The following OSBPL9 variants were observed in gnomAD, a reference collection of about 807,000 sequenced individuals.
OSBPL9 encodes oxysterol binding protein like 9.
In OSBPL9, 40 loss-of-function variants were observed where a neutral mutation model predicts 106.6. The ratio of observed to expected loss-of-function variants is 0.38; its 90% CI spans 0.29 to 0.49. The LOEUF (loss-of-function observed/expected upper bound fraction) is 0.49. Among genes scored for constraint, OSBPL9 ranks in the 20% least tolerant of loss-of-function variants. The pLI, the probability that OSBPL9 is intolerant of heterozygous loss-of-function variation, is 0.97. For missense variants in OSBPL9, 609 were observed against 887.2 expected (o/e 0.69, Z 3.98); for synonymous variants, 269 against 295.4 (o/e 0.91, Z 0.92).
intron 2 of OSBPL9, among the ~76,000 whole-genome samples, chr1:51,607,975 C>CCT (rs1323914512): frequency 6.6e-6 from 1 of 152,194 alleles, no homozygotes; most frequent in Non-Finnish European, 1.5e-5. Flanking sequence ...TTGCATCTCT[C>CCT]CTCTCTTGAT....
chr1:51,650,019 G>T (rs1368644988), intron 1 of OSBPL9, among the ~76,000 whole-genome samples: 1 of 151,774 alleles, frequency 6.6e-6, no homozygotes, highest in Admixed American at 6.6e-5. Context: ...GGGACTATAG[G>T]TGTGTACCAC....
At chr1:51,521,789 ACT>A in the OSBPL9 span, among the ~76,000 whole-genome samples, 2 of 152,088 alleles carry the variant, frequency 1.3e-5, no homozygotes, top group Admixed American at 6.5e-5. Flanking sequence ...ACAAGGTCTC[ACT>A]CTGTCACCCA....
intron 9 of OSBPL9, chr1:51,756,689 C>A: frequency 4.2e-6 from 1 of 235,308 alleles, no homozygotes; most frequent in East Asian, 9.1e-5. Context: ...CTATTTTTCT[C>A]AGATGAAAGT....
chr1:51,748,345 G>A, intron 6 of OSBPL9, 24 bp from the exon 7 acceptor site: 1 of 1,515,822 alleles, frequency 6.6e-7, no homozygotes, highest in Non-Finnish European at 8.8e-7. Flanking sequence ...GATTATTTCT[G>A]TTTAAACTTA....
chr1:51,745,121 A>C (rs779986504), intron 4 of OSBPL9: 34 of 161,960 alleles, frequency 2.1e-4, no homozygotes, highest in Non-Finnish European at 4.3e-4. Context: ...TGAGAATATG[A>C]AGTTAACATT....
intron 1 of OSBPL9, among the ~76,000 whole-genome samples, chr1:51,635,952 T>A (rs1197758147): frequency 6.6e-6 from 1 of 152,100 alleles, no homozygotes; most frequent in Non-Finnish European, 1.5e-5. Context: ...TTATAATCTT[T>A]ATCATGCTTA....
intron 2 of OSBPL9, among the ~76,000 whole-genome samples, chr1:51,665,392 C>T (rs1408032638): frequency 1.3e-5 from 2 of 152,210 alleles, no homozygotes; most frequent in East Asian, 1.9e-4. Context: ...GATCTGCCAG[C>T]CTTGGCCTCC....
chr1:51,785,519 T>C (rs953766481), intron 20 of OSBPL9: 3 of 398,962 alleles, frequency 7.5e-6, no homozygotes, highest in African/African-American at 4.3e-5. Flanking sequence ...CACTACGCTG[T>C]GAACAGCTTG....
At chr1:51,651,930 C>T in intron 1 of OSBPL9, 61 bp from the exon 2 acceptor site, 2 of 1,367,398 alleles carry the variant, frequency 1.5e-6, no homozygotes, top group Non-Finnish European at 1.0e-6. Context: ...CCAGATGATT[C>T]TAAAAACAAT....
At chr1:51,564,611 G>A in the OSBPL9 span, among the ~76,000 whole-genome samples, 1 of 152,218 alleles carries the variant, frequency 6.6e-6, no homozygotes, top group Admixed American at 6.5e-5. Flanking sequence ...CATTTGTCCA[G>A]AATGACTGAA....
At chr1:51,787,252 C>T in intron 22 of OSBPL9, 101 bp from the exon 23 acceptor site, 2 of 1,169,526 alleles carry the variant, frequency 1.7e-6, no homozygotes, top group Admixed American at 2.0e-5. Flanking sequence ...AGTCTGTGAC[C>T]TACAGCACTT....
chr1:51,733,593 G>A (rs530782958), intron 4 of OSBPL9, among the ~76,000 whole-genome samples: 6 of 152,228 alleles, frequency 3.9e-5, no homozygotes, highest in East Asian at 3.9e-4. Context: ...TGGCCAACAT[G>A]GTAAAACCTC....
intron 1 of OSBPL9, among the ~76,000 whole-genome samples, chr1:51,585,828 C>T (rs920765953): frequency 2.0e-5 from 3 of 150,848 alleles, no homozygotes; most frequent in Non-Finnish European, 4.4e-5. Context: ...ACTCCAAGAA[C>T]TGGAAAGAGC....
At chr1:51,691,571 C>T (rs527890447) in intron 3 of OSBPL9, among the ~76,000 whole-genome samples, 1 of 152,144 alleles carries the variant, frequency 6.6e-6, no homozygotes, top group South Asian at 2.1e-4. Context: ...CAGGCTTGAG[C>T]CACCGCACCC....
chr1:51,547,207 G>T, the OSBPL9 span, among the ~76,000 whole-genome samples: 1 of 152,160 alleles, frequency 6.6e-6, no homozygotes, highest in Non-Finnish European at 1.5e-5. Context: ...AATATTTATT[G>T]TGTGCTATTT....
the OSBPL9 span, among the ~76,000 whole-genome samples, chr1:51,547,136 T>G: frequency 6.6e-6 from 1 of 152,234 alleles, no homozygotes; most frequent in African/African-American, 2.4e-5. Context: ...AGCTTGCAGT[T>G]AGACTCCTGG....
rs552941688 is a variant in OSBPL9 at position 51,733,815 on chromosome 1, C to T, written c.319-11721C>T. ...AAAAAGTGGGCAGACTTCCAGGACT[C>T]CCCACCTTCCCCTACCCAATCTATA... On this transcript the variant is annotated intron_variant, in intron 4 of 23. Transcript: ENST00000428468. 4.6e-5 allele frequency among the ~76,000 whole-genome samples: 7 copies of T among 151,994 alleles called. No homozygotes were observed. The South Asian group carries it at 1.2e-3, about 27-fold the overall frequency.
chr1:51,617,348 T>A, intron 1 of OSBPL9, 127 bp downstream of exon 1: 1 of 948,878 alleles, frequency 1.1e-6, no homozygotes, highest in Non-Finnish European at 1.5e-6. Flanking sequence ...ACGCGAGGGT[T>A]CCCTTGTTGG....
intron 4 of OSBPL9, among the ~76,000 whole-genome samples, chr1:51,741,686 T>C (rs1328328960): frequency 6.6e-6 from 1 of 152,070 alleles, no homozygotes; most frequent in Admixed American, 6.5e-5. Context: ...GAAGTGGTTT[T>C]TCTTTACATA....
Sources: allele counts gnomAD v4.1 joint callset (sites outside exome capture counted in the v4.1 genomes callset), GRCh38; gene constraint gnomAD v4.1.1; transcripts MANE v1.5; gene names NCBI Gene and HGNC (gene_info 2026-07-23, HGNC 2026-07-21).